Variants in PIP5K1B observed in about 807,000 individuals in gnomAD.
PIP5K1B encodes the protein phosphatidylinositol 4-phosphate 5-kinase type-1 beta.
PIP5K1B carries 42 observed loss-of-function variants against 67.0 expected under a neutral mutation model. The observed-to-expected ratio is 0.63, with a 90% CI of 0.49 to 0.81. The LOEUF is 0.81. PIP5K1B is among the 30% of genes least tolerant of loss of function. The probability of loss-of-function intolerance (pLI) is 0.00; values close to 1 mark genes in which losing one functional copy is unlikely to be tolerated. For missense variants in PIP5K1B, 459 were observed against 646.3 expected, an observed-to-expected ratio of 0.71 and a Z score of 3.14; for synonymous variants, 214 against 231.4, an observed-to-expected ratio of 0.92 and a Z score of 0.68.
At chr9:68,978,010 GT>G (rs1829712756) in intron 14 of PIP5K1B, among the ~76,000 whole-genome samples, 1 of 151,892 alleles carries the variant, frequency 6.6e-6, no homozygotes, top group Admixed American at 6.6e-5. Context: ...GGTTTTTAGG[GT>G]TTTTCCCCAG....
intron 14 of PIP5K1B, among the ~76,000 whole-genome samples, chr9:68,947,944 G>A (rs1827880106): frequency 6.6e-6 from 1 of 152,192 alleles, no homozygotes; most frequent in South Asian, 2.1e-4. Flanking sequence ...CCTCTGATAA[G>A]GCAGGTGACA....
chr9:68,994,669 A>T lies in PIP5K1B; in HGVS notation c.1620+3412A>T, dbSNP rs142250976. 2.2e-3 allele frequency among the ~76,000 whole-genome samples: 337 copies of T among 152,336 alleles called. 1 individual carries two copies. Among genetic ancestry groups the T allele is most frequent in the African/African-American group, 7.6e-3 (317 of 41,580 alleles). Reference sequence around the variant, plus strand: ...ATAGTTTGACCTCATGGACCCCCAGAAATGATCCCTACAGAGTTTTTCTCA... The same window carrying T: ...ATAGTTTGACCTCATGGACCCCCAGTAATGATCCCTACAGAGTTTTTCTCA... On this transcript the variant is annotated intron_variant, in intron 15 of 15. Coordinates refer to ENST00000265382, the MANE Select transcript of PIP5K1B (RefSeq NM_003558.4).
At chr9:68,974,577 G>T (rs931581004) in intron 14 of PIP5K1B, among the ~76,000 whole-genome samples, 2 of 152,230 alleles carry the variant, frequency 1.3e-5, no homozygotes, top group Admixed American at 1.3e-4. Context: ...CAGGACAGGT[G>T]TCGACCTGTA....
chr9:69,007,315 C>G (rs1831127539), intron 15 of PIP5K1B, among the ~76,000 whole-genome samples: 1 of 152,102 alleles, frequency 6.6e-6, no homozygotes, highest in Admixed American at 6.6e-5. Context: ...CTGAGCTGCA[C>G]CAGTCTCTGT....
At chr9:68,884,535 G>A (rs528894383) in intron 6 of PIP5K1B, among the ~76,000 whole-genome samples, 28 of 151,938 alleles carry the variant, frequency 1.8e-4, no homozygotes, top group Admixed American at 1.2e-3. Flanking sequence ...ATGGTGGCAC[G>A]TTCCTGTGGT....
intron 14 of PIP5K1B, among the ~76,000 whole-genome samples, chr9:68,988,147 G>A (rs1056998889): frequency 5.9e-5 from 9 of 152,028 alleles, no homozygotes; most frequent in African/African-American, 2.2e-4. Flanking sequence ...AAATGCTTAT[G>A]GGTATTTATA....
At chr9:68,729,133 G>A (rs1310048718) in intron 1 of PIP5K1B, among the ~76,000 whole-genome samples, 1 of 152,094 alleles carries the variant, frequency 6.6e-6, no homozygotes, top group Non-Finnish European at 1.5e-5. Flanking sequence ...AGTAATAATT[G>A]CAAGAAATGC....
intron 4 of PIP5K1B, among the ~76,000 whole-genome samples, chr9:68,826,294 A>G (rs1833974417): frequency 6.6e-6 from 1 of 152,194 alleles, no homozygotes; most frequent in Non-Finnish European, 1.5e-5. Context: ...AGGGAGTGAG[A>G]AAACGAGGGG....
intron 4 of PIP5K1B, among the ~76,000 whole-genome samples, chr9:68,835,818 G>A (rs572574168): frequency 6.0e-5 from 9 of 148,930 alleles, no homozygotes; most frequent in African/African-American, 2.2e-4. Context: ...TTTTTAAAAA[G>A]CCTGTGCCTA....
chr9:68,931,802 A>G (rs1827013046), intron 12 of PIP5K1B, among the ~76,000 whole-genome samples: 1 of 152,240 alleles, frequency 6.6e-6, no homozygotes, highest in African/African-American at 2.4e-5. Flanking sequence ...ACCTACTGCC[A>G]GCCATGGTTG....
Position 68,889,138 on chromosome 9 carries a change from G to A in PIP5K1B, c.471+5G>A, listed in dbSNP as rs1461483430. 1 of 1,604,634 alleles carries A rather than the reference G, an allele frequency of 6.2e-7. No individual in the cohort carries two copies. ...CTACTGCCAGGCTATTACATGGTAA[G>A]GAACTGCACATCATTAATGCTTCTA... On this transcript the variant is annotated splice_donor_5th_base_variant and intron_variant, in intron 7 of 15. Transcript: ENST00000265382.
At chr9:68,885,322 G>C (rs890708709) in intron 6 of PIP5K1B, among the ~76,000 whole-genome samples, 3 of 152,204 alleles carry the variant, frequency 2.0e-5, no homozygotes, top group African/African-American at 7.2e-5. Flanking sequence ...GGTGGATAGA[G>C]AATAGGGAAA....
Position 68,952,984 on chromosome 9 carries a change from A to G in PIP5K1B, c.1502+12194A>G, listed in dbSNP as rs73647037. Reference sequence around the variant, plus strand: ...AGGTCTATTTTCAGCCAGCATGCTAAGCACTCAGGGGACCTTTTCAACCTG... The same window carrying G: ...AGGTCTATTTTCAGCCAGCATGCTAGGCACTCAGGGGACCTTTTCAACCTG... On this transcript the variant is annotated intron_variant, in intron 14 of 15. Coordinates refer to ENST00000265382, the MANE Select transcript of PIP5K1B (RefSeq NM_003558.4). 6.7e-3 allele frequency among the ~76,000 whole-genome samples: 1,018 copies of G among 152,188 alleles called. 13 individuals carry two copies. Among genetic ancestry groups the G allele is most frequent in the African/African-American group, 0.023 (955 of 41,508 alleles).
intron 4 of PIP5K1B, among the ~76,000 whole-genome samples, chr9:68,861,060 GTTA>G (rs957052860): frequency 9.9e-5 from 15 of 152,192 alleles, no homozygotes; most frequent in Admixed American, 7.2e-4. Context: ...GATCATAATT[GTTA>G]TTATTCATAT....
chr9:68,887,245 C>T (rs1824522401), intron 6 of PIP5K1B, among the ~76,000 whole-genome samples: 1 of 152,180 alleles, frequency 6.6e-6, no homozygotes, highest in African/African-American at 2.4e-5. Context: ...TTTCCTCCTA[C>T]TGGGATATAA....
intron 4 of PIP5K1B, among the ~76,000 whole-genome samples, chr9:68,840,484 T>C (rs943642915): frequency 6.6e-6 from 1 of 152,250 alleles, no homozygotes; most frequent in Non-Finnish European, 1.5e-5. Context: ...TTTATTATGT[T>C]ATAGTTCTGT....
intron 2 of PIP5K1B, among the ~76,000 whole-genome samples, chr9:68,756,122 C>G (rs1587395516): frequency 6.6e-6 from 1 of 152,128 alleles, no homozygotes; most frequent in Non-Finnish European, 1.5e-5. Context: ...GACCAAATTC[C>G]AGGGACTTTT....
At chr9:68,901,890 C>A (rs28444745) in intron 8 of PIP5K1B, among the ~76,000 whole-genome samples, 10,145 of 152,228 alleles carry the variant, frequency 0.067, 711 homozygotes, top group African/African-American at 0.18. Context: ...ATCATATATG[C>A]AAGGGCTTTG....
chr9:68,729,237 A>G (rs1264039398), intron 1 of PIP5K1B, among the ~76,000 whole-genome samples: 1 of 152,208 alleles, frequency 6.6e-6, no homozygotes, highest in Non-Finnish European at 1.5e-5. Flanking sequence ...ATGAATGGAG[A>G]TATTTATATC....
Sources: gnomAD v4.1 joint callset for allele counts (sites outside exome capture counted in the v4.1 genomes callset) on GRCh38, gnomAD v4.1.1 for gene constraint, MANE v1.5 for transcripts, NCBI Gene and HGNC (gene_info 2026-07-23, HGNC 2026-07-21) for gene names.